CHRDL1: variants seen among roughly 807,000 people sequenced by gnomAD.
CHRDL1 encodes chordin like 1.
CHRDL1 carries 19 observed loss-of-function variants against 40.9 expected under a neutral mutation model. That is an observed-to-expected ratio of 0.46 (90% CI 0.32 to 0.68). CHRDL1 has a LOEUF of 0.68. Ranked by LOEUF, CHRDL1 falls within the 30% of genes least tolerant of loss-of-function variation. The probability of loss-of-function intolerance (pLI) is 0.03; values close to 1 mark genes in which losing one functional copy is unlikely to be tolerated. For synonymous variants in CHRDL1, 136 were observed against 123.4 expected (o/e 1.10, Z -0.68); for missense variants, 329 against 352.1 (o/e 0.93, Z 0.53).
intron 8 of CHRDL1, among the ~76,000 whole-genome samples, chrX:110,689,099 T>C (rs1454808057): frequency 1.9e-5 from 1 of 53,696 alleles, no homozygotes; most frequent in Non-Finnish European, 3.3e-5. Flanking sequence ...TATATATATA[T>C]ATATATATAT....
rs746852474 is a variant in CHRDL1 at position 110,739,049 on chromosome X, A to C, written c.302-17519T>G. ...TGCAAGTGCTCTTACATATCTGTCC[A>C]GAGGCCATGTGAATTATGAAGTAAA... On this transcript the variant is annotated intron_variant, in intron 4 of 11. Coordinates refer to ENST00000372042, the MANE Select transcript of CHRDL1 (RefSeq NM_001143981.2). Among the ~76,000 whole-genome samples the C allele has an allele frequency of 2.3e-4, 26 of 112,079 alleles. No individual in the cohort carries two copies. In the East Asian group the frequency reaches 7.0e-3, roughly 30 times the overall value.
At chrX:110,712,635 G>A (rs910304114) in intron 6 of CHRDL1, among the ~76,000 whole-genome samples, 4 of 110,427 alleles carry the variant, frequency 3.6e-5, no homozygotes, top group South Asian at 7.9e-4. Flanking sequence ...TTGGGAGGCC[G>A]AGGCAGGAGA....
intron 2 of CHRDL1, among the ~76,000 whole-genome samples, chrX:110,780,222 GT>G (rs1383958677): frequency 9.1e-6 from 1 of 109,400 alleles, no homozygotes; most frequent in Non-Finnish European, 1.9e-5. Flanking sequence ...AGTTCATTCA[GT>G]TTTTTTTCTT....
chrX:110,720,829 T>C (rs1040142605), intron 5 of CHRDL1, among the ~76,000 whole-genome samples: 6 of 111,835 alleles, frequency 5.4e-5, no homozygotes, highest in Non-Finnish European at 1.1e-4. Context: ...ATGTAATTAG[T>C]ATACGTTGTT....
intron 4 of CHRDL1, among the ~76,000 whole-genome samples, chrX:110,721,943 C>T (rs142870112): frequency 0.01 from 1,133 of 112,120 alleles, 11 homozygotes; most frequent in Middle Eastern, 0.019. Context: ...ATCTTTTCCC[C>T]CAGTTGCTTC....
intron 2 of CHRDL1, among the ~76,000 whole-genome samples, chrX:110,790,382 G>C (rs2090079701): frequency 8.9e-6 from 1 of 112,010 alleles, no homozygotes; most frequent in South Asian, 3.8e-4. Context: ...GAAAGTAGTA[G>C]ATTTGGGTTT....
chrX:110,705,309 A>T (rs1603164411), intron 6 of CHRDL1, among the ~76,000 whole-genome samples: 1 of 86,941 alleles, frequency 1.2e-5, no homozygotes, highest in African/African-American at 4.7e-5. Context: ...ATATATACAC[A>T]CACACATATA....
In CHRDL1 at chrX:110,679,361, G is replaced by A; in HGVS notation, c.1221C>T (p.Phe407=). 1 of 1,206,121 alleles carries A rather than the reference G, an allele frequency of 8.3e-7. No homozygotes were observed. The highest frequency in any genetic ancestry group is 1.7e-5 in the African/African-American group (1 of 57,740). Residue 407 remains phenylalanine (F), a synonymous_variant, in exon 11 of 12, where the codon TTC becomes TTT. Coordinates refer to ENST00000372042, the MANE Select transcript of CHRDL1 (RefSeq NM_001143981.2). The part of the protein sequence containing the change: ...SKRMFEELPH[F]KLVTRTTLSQ... ...TCAGGGTTGTTCTGGTCACCAGCTT[G>A]AAGTGAGGAAGCTCCTCAAACATCC...
chrX:110,729,902 C>T (rs1267690962), intron 4 of CHRDL1, among the ~76,000 whole-genome samples: 1 of 112,304 alleles, frequency 8.9e-6, no homozygotes, highest in Non-Finnish European at 1.9e-5. Flanking sequence ...CAAGGTAAGA[C>T]ATAATCTGTT....
At chrX:110,789,179 A>C (rs1397270975) in intron 2 of CHRDL1, among the ~76,000 whole-genome samples, 1 of 112,259 alleles carries the variant, frequency 8.9e-6, no homozygotes, top group Non-Finnish European at 1.9e-5. Context: ...CTGAAGAAAT[A>C]AAATTGAACT....
intron 9 of CHRDL1, among the ~76,000 whole-genome samples, chrX:110,687,603 T>C (rs2070051046): frequency 8.9e-6 from 1 of 112,016 alleles, no homozygotes; most frequent in Admixed American, 9.5e-5. Context: ...GCATAAGAAA[T>C]GATAAATTCA....
chrX:110,740,829 G>T (rs2071346770), intron 4 of CHRDL1, among the ~76,000 whole-genome samples: 1 of 112,051 alleles, frequency 8.9e-6, no homozygotes, highest in Non-Finnish European at 1.9e-5. Flanking sequence ...TAGAACAGGG[G>T]TTATAGGCCA....
At chrX:110,727,786 G>A (rs2071084394) in intron 4 of CHRDL1, among the ~76,000 whole-genome samples, 1 of 111,996 alleles carries the variant, frequency 8.9e-6, no homozygotes, top group East Asian at 2.8e-4. Flanking sequence ...AGCAATATCT[G>A]TTCATTTAAA....
At chrX:110,787,013 G>C (rs2090026722) in intron 2 of CHRDL1, among the ~76,000 whole-genome samples, 1 of 111,644 alleles carries the variant, frequency 9.0e-6, no homozygotes, top group Admixed American at 9.5e-5. Context: ...TCGGAGACCT[G>C]GGTTTTGGTT....
At position 110,679,305 on chromosome X, in the gene CHRDL1, T is replaced by C. The variant is rs185376823; in HGVS notation, c.1246+31A>G. 8.3e-4 allele frequency: 853 copies of C among 1,029,142 alleles called. 1 individual carries two copies. The highest frequency in any genetic ancestry group is 2.0e-3 in the Middle Eastern group (8 of 3,947). The allele number at this position is 1,029,142 out of a possible 1,213,427, so 84.8% of individuals were successfully genotyped here. A position where few individuals can be genotyped will look rare whatever the true frequency, so the allele number is the denominator to read the frequency against. On this transcript the variant is annotated intron_variant, in intron 11 of 11. Transcript: ENST00000372042. ...CTAAATTGAAAACTGAATGTGTTTT[T>C]CAGGGAGCAGTCAAGAGAAGTACTA...
chrX:110,735,621 G>A (rs1316544104), intron 4 of CHRDL1, among the ~76,000 whole-genome samples: 4 of 111,980 alleles, frequency 3.6e-5, no homozygotes, highest in East Asian at 5.6e-4. Flanking sequence ...TCATTAGCAA[G>A]CCCTATAAAT....
At chrX:110,776,631 T>C (rs2089857616) in intron 2 of CHRDL1, among the ~76,000 whole-genome samples, 1 of 111,085 alleles carries the variant, frequency 9.0e-6, no homozygotes, top group African/African-American at 3.3e-5. Flanking sequence ...AAGTATTATA[T>C]AAATACTTTA....
intron 5 of CHRDL1, 74 bp downstream of exon 5, chrX:110,721,311 T>A (rs1194938109): frequency 1.1e-5 from 11 of 988,790 alleles, no homozygotes; most frequent in African/African-American, 1.9e-5. Flanking sequence ...CAGGCACAAA[T>A]GAAAGTACAA....
At chrX:110,776,789 A>G (rs1002937976) in intron 2 of CHRDL1, among the ~76,000 whole-genome samples, 4 of 110,578 alleles carry the variant, frequency 3.6e-5, no homozygotes, top group Admixed American at 9.6e-5. Context: ...CCAGTTATCA[A>G]TATCCCCTGC....
Sources: allele counts gnomAD v4.1 joint callset (sites outside exome capture counted in the v4.1 genomes callset), GRCh38; gene constraint gnomAD v4.1.1; transcripts MANE v1.5; gene names NCBI Gene and HGNC (gene_info 2026-07-23, HGNC 2026-07-21).